GALK2: variants seen among roughly 807,000 people sequenced by gnomAD.
The protein encoded by GALK2 is galactokinase 2.
In GALK2, 36 loss-of-function variants were observed where a neutral mutation model predicts 52.4. The ratio of observed to expected loss-of-function variants is 0.69; its 90% CI spans 0.53 to 0.91. The LOEUF (loss-of-function observed/expected upper bound fraction) is 0.91, where lower values mean the gene tolerates loss of function less well. GALK2 is among the 40% of genes least tolerant of loss of function. The pLI, the probability that GALK2 is intolerant of heterozygous loss-of-function variation, is 0.00. For synonymous variants in GALK2, 176 were observed against 199.1 expected (o/e 0.88, Z 0.98); for missense variants, 579 against 559.1 (o/e 1.04, Z -0.36).
intron 8 of GALK2, among the ~76,000 whole-genome samples, chr15:49,316,598 A>T (rs552492045): frequency 6.6e-5 from 10 of 151,438 alleles, no homozygotes; most frequent in Non-Finnish European, 1.2e-4. Context: ...CATGTACCCT[A>T]GAGCTCAAAG....
At chr15:49,365,068 G>A (rs1458088422) in intron 3 of GALK2, 1 of 575,274 alleles carries the variant, frequency 1.7e-6, no homozygotes, top group Admixed American at 2.9e-5. Context: ...AATTTAAAAA[G>A]TCAAAGTCTA....
chr15:49,208,554 G>T (rs766604702), intron 2 of GALK2, among the ~76,000 whole-genome samples: 23 of 152,214 alleles, frequency 1.5e-4, no homozygotes, highest in Non-Finnish European at 2.8e-4. Flanking sequence ...ATTTATTAAG[G>T]CTTGTTTTGT....
At chr15:49,229,637 C>T (rs1595754708) in intron 3 of GALK2, among the ~76,000 whole-genome samples, 2 of 152,174 alleles carry the variant, frequency 1.3e-5, no homozygotes, top group African/African-American at 2.4e-5. Flanking sequence ...TCTGGCAGGG[C>T]GGGCCTATCC....
chr15:49,267,046 G>GT (rs891708000), intron 5 of GALK2, among the ~76,000 whole-genome samples: 30 of 152,122 alleles, frequency 2.0e-4, no homozygotes, highest in Admixed American at 7.9e-4. Flanking sequence ...ACGTAAAGGG[G>GT]TAAAGGGTGT....
At chr15:49,295,306 C>T (rs1191842335) in intron 8 of GALK2, among the ~76,000 whole-genome samples, 1 of 135,092 alleles carries the variant, frequency 7.4e-6, no homozygotes, top group Non-Finnish European at 1.6e-5. Context: ...ATGACAAGCT[C>T]ATTTCTCTCT....
chr15:49,254,600 C>T (rs1264491697), intron 5 of GALK2, among the ~76,000 whole-genome samples: 1 of 143,274 alleles, frequency 7.0e-6, no homozygotes, highest in African/African-American at 2.5e-5. Flanking sequence ...TCAAATGTCA[C>T]TATGGTTTAA....
chr15:49,336,025 T>C (rs2039649736), downstream of GALK2, among the ~76,000 whole-genome samples: 2 of 152,064 alleles, frequency 1.3e-5, no homozygotes, highest in Admixed American at 1.3e-4. Flanking sequence ...GGTCTTGAAC[T>C]TCAAACTCCT....
Position 49,283,636 on chromosome 15 carries a change from T to C in GALK2, c.674T>C (p.Ile225Thr), listed in dbSNP as rs774542031. The C allele has an allele frequency of 2.5e-6, 4 of 1,614,100 alleles. No homozygotes were observed. The highest frequency in any genetic ancestry group is 3.4e-6 in the Non-Finnish European group (4 of 1,179,936). Residue 225 changes from isoleucine to threonine, a missense_variant, in exon 7 of 10, where the codon ATT (isoleucine) becomes ACT (threonine). Physicochemically the swap from Ile to Thr is moderately conservative, Grantham distance 89. Transcript: ENST00000560031. ...CTCCCAAGTGGAGCAGTGTTTGTGA[T>C]TGCCAACAGTTGTGTGGAGATGAAT... ...VKLPSGAVFV[I>T]ANSCVEMNKA...
intron 5 of GALK2, among the ~76,000 whole-genome samples, chr15:49,259,062 T>G (rs1595864665): frequency 6.6e-6 from 1 of 151,554 alleles, no homozygotes; most frequent in African/African-American, 2.4e-5. Context: ...GTCAGATGAG[T>G]AGGTTGTGAA....
intron 2 of GALK2, among the ~76,000 whole-genome samples, chr15:49,203,520 T>A (rs1168513223): frequency 6.6e-6 from 1 of 152,158 alleles, no homozygotes; most frequent in Non-Finnish European, 1.5e-5. Flanking sequence ...TGCAGAAGCT[T>A]TTTAGTTTGA....
chr15:49,343,464 G>A (rs1449116940), intron 3 of GALK2: 1 of 152,064 alleles, frequency 6.6e-6, no homozygotes, highest in Non-Finnish European at 1.5e-5. Flanking sequence ...ACACTCTAGT[G>A]CCTGTGTTTA....
At chr15:49,358,529 AG>A (rs1334892043) in intron 3 of GALK2, among the ~76,000 whole-genome samples, 1 of 149,290 alleles carries the variant, frequency 6.7e-6, no homozygotes, top group Non-Finnish European at 1.5e-5. Context: ...CCAACTTACA[AG>A]GGATATGAAG....
intron 5 of GALK2, among the ~76,000 whole-genome samples, chr15:49,277,794 CA>C (rs1239060415): frequency 6.6e-6 from 1 of 151,610 alleles, no homozygotes; most frequent in Non-Finnish European, 1.5e-5. Context: ...GACTCCGTCT[CA>C]AACAAACGAA....
intron 3 of GALK2, among the ~76,000 whole-genome samples, chr15:49,229,547 G>A (rs2090385574): frequency 6.6e-6 from 1 of 152,172 alleles, no homozygotes; most frequent in African/African-American, 2.4e-5. Context: ...CTCTGGGAGA[G>A]TATTCAGGTG....
chr15:49,357,425 T>C (rs1236294017), intron 3 of GALK2, among the ~76,000 whole-genome samples: 1 of 150,992 alleles, frequency 6.6e-6, no homozygotes, highest in East Asian at 1.9e-4. Flanking sequence ...CCCACAGAAA[T>C]ACAAACTACC....
chr15:49,317,313 C>T (rs894236302), intron 8 of GALK2, among the ~76,000 whole-genome samples: 1 of 152,022 alleles, frequency 6.6e-6, no homozygotes, highest in Admixed American at 6.6e-5. Context: ...AAAAAAAGTG[C>T]ATCATCACTG....
At chr15:49,213,959 A>C (rs1459172510) in intron 2 of GALK2, among the ~76,000 whole-genome samples, 1 of 151,934 alleles carries the variant, frequency 6.6e-6, no homozygotes, top group African/African-American at 2.4e-5. Flanking sequence ...CTACTAAAAA[A>C]TAAAAAAAGA....
intron 5 of GALK2, among the ~76,000 whole-genome samples, chr15:49,267,751 C>G (rs570483548): frequency 6.6e-6 from 1 of 152,010 alleles, no homozygotes; most frequent in East Asian, 1.9e-4. Context: ...TTGAATAAAT[C>G]AGAAAAATGG....
intron 1 of GALK2, among the ~76,000 whole-genome samples, chr15:49,188,737 C>G (rs1289318418): frequency 6.6e-6 from 1 of 152,000 alleles, no homozygotes; most frequent in Non-Finnish European, 1.5e-5. Flanking sequence ...AATTTTTTTC[C>G]TGAACAGTTT....
Sources: allele counts gnomAD v4.1 joint callset (sites outside exome capture counted in the v4.1 genomes callset), GRCh38; gene constraint gnomAD v4.1.1; transcripts MANE v1.5; gene names NCBI Gene and HGNC (gene_info 2026-07-23, HGNC 2026-07-21).